The following TNPO1 variants were observed in gnomAD, a reference collection of about 807,000 sequenced individuals.
The protein encoded by TNPO1 is transportin 1, also known as transportin-1.
In TNPO1, 8 loss-of-function variants were observed where a neutral mutation model predicts 119.5. The ratio of observed to expected loss-of-function variants is 0.07; its 90% CI spans 0.04 to 0.12. The LOEUF (loss-of-function observed/expected upper bound fraction) is 0.12, where lower values mean the gene tolerates loss of function less well. Among genes scored for constraint, TNPO1 ranks in the 10% least tolerant of loss-of-function variants. The pLI is 1.00. For synonymous variants in TNPO1, 362 were observed against 363.0 expected, an observed-to-expected ratio of 1.00 and a Z score of 0.03; for missense variants, 576 against 1,089.8, an observed-to-expected ratio of 0.53 and a Z score of 6.64.
At chr5:72,907,715 T>C (rs1298038705) in intron 24 of TNPO1, among the ~76,000 whole-genome samples, 1 of 152,004 alleles carries the variant, frequency 6.6e-6, no homozygotes, top group African/African-American at 2.4e-5. Flanking sequence ...CCAAGTGAAA[T>C]AGGATCAGAA....
At chr5:72,841,580 C>T (rs1289544578) in intron 1 of TNPO1, among the ~76,000 whole-genome samples, 1 of 151,962 alleles carries the variant, frequency 6.6e-6, no homozygotes, top group Non-Finnish European at 1.5e-5. Context: ...ACCTTGTGAT[C>T]CGCCCGCCTC....
Position 72,912,632 on chromosome 5 carries a change from T to G in TNPO1, c.*3959T>G, listed in dbSNP as rs1204727835. On this transcript the variant is annotated 3_prime_UTR_variant, in exon 25 of 25. Transcript: ENST00000337273. ...AAGCCCTCCTGACAAGCCTTTTGCC[T>G]ACAGGTTTACCTGAAAATGAGCTAC... is the stretch of plus-strand genomic sequence containing the variant. 1 of 152,484 alleles carries G rather than the reference T, an allele frequency of 6.6e-6. No individual in the cohort carries two copies. Among genetic ancestry groups the G allele is most frequent in the East Asian group, 1.9e-4 (1 of 5,188 alleles). The allele number at this position is 152,484 out of a possible 1,614,324, so 9.4% of individuals were successfully genotyped here. A position where few individuals can be genotyped will look rare whatever the true frequency, so the allele number is the denominator to read the frequency against.
chr5:72,893,566 GC>G, intron 17 of TNPO1, 31 bp downstream of exon 17: 1 of 1,614,090 alleles, frequency 6.2e-7, no homozygotes, highest in Non-Finnish European at 8.5e-7. Flanking sequence ...ATGAATTGAA[GC>G]CTGTTTCTCT....
intron 4 of TNPO1, among the ~76,000 whole-genome samples, chr5:72,857,269 G>C (rs1184486559): frequency 6.6e-6 from 1 of 151,374 alleles, no homozygotes; most frequent in Non-Finnish European, 1.5e-5. Flanking sequence ...AGTAAGCTGA[G>C]ATCACGCCAT....
chr5:72,905,507 C>A, intron 24 of TNPO1, 62 bp downstream of exon 24: 1 of 733,176 alleles, frequency 1.4e-6, no homozygotes, highest in Non-Finnish European at 2.3e-6. Flanking sequence ...GCTGTCATTT[C>A]AAACTACTAA....
chr5:72,893,509 C>T lies in TNPO1; in HGVS notation c.2029C>T (p.Leu677=), dbSNP rs755789510. The part of the protein sequence containing the change: ...IEQLVARSNI[L]TLMYQCMQDK... ...ACAGCTGGTAGCCCGAAGTAACATCCTGACACTAATGTATCAGTGCATGCA... is the reference window on the plus strand; with the variant it reads ...ACAGCTGGTAGCCCGAAGTAACATCTTGACACTAATGTATCAGTGCATGCA... Residue 677 remains leucine, a synonymous_variant, in exon 17 of 25, where the codon CTG becomes TTG. Transcript: ENST00000337273. 1.3e-5 allele frequency: 21 copies of T among 1,614,192 alleles called. No individual in the cohort carries two copies. The African/African-American group carries it at 2.1e-4, about 16-fold the overall frequency.
chr5:72,866,321 T>C (rs1437723059), intron 6 of TNPO1, among the ~76,000 whole-genome samples: 2 of 152,246 alleles, frequency 1.3e-5, no homozygotes, highest in Non-Finnish European at 2.9e-5. Flanking sequence ...ATTACAACAT[T>C]ATAATAATGT....
At chr5:72,897,633 T>A (rs567460964) in intron 20 of TNPO1, among the ~76,000 whole-genome samples, 1 of 147,470 alleles carries the variant, frequency 6.8e-6, no homozygotes, top group Non-Finnish European at 1.5e-5. Flanking sequence ...TTTTTTAATT[T>A]ATTTTTTTTT....
chr5:72,852,325 G>A (rs1745644469), intron 3 of TNPO1, among the ~76,000 whole-genome samples: 1 of 152,066 alleles, frequency 6.6e-6, no homozygotes, highest in Admixed American at 6.5e-5. Context: ...AAATATTTAT[G>A]GAGCGCCATC....
At position 72,875,595 on chromosome 5, in the gene TNPO1, A is replaced by C; in HGVS notation, c.679-20A>C. The C allele has an allele frequency of 6.2e-7, 1 of 1,607,620 alleles. No homozygotes were observed. The highest frequency in any genetic ancestry group is 8.5e-7 in the Non-Finnish European group (1 of 1,175,082). ...TGTAAGCCTTTCTAAAACTAGAAAA[A>C]ATTATTTCTTGTGCAACAGAATCTC... On this transcript the variant is annotated intron_variant, in intron 7 of 24. Transcript: ENST00000337273.
At chr5:72,829,105 T>C (rs1002255312) in intron 1 of TNPO1, among the ~76,000 whole-genome samples, 19 of 152,192 alleles carry the variant, frequency 1.2e-4, no homozygotes, top group Non-Finnish European at 1.5e-5. Context: ...CAAAAAGAGT[T>C]TGTTTCAGCT....
chr5:72,880,931 A>G (rs918013115), intron 9 of TNPO1, among the ~76,000 whole-genome samples: 1 of 152,010 alleles, frequency 6.6e-6, no homozygotes, highest in African/African-American at 2.4e-5. Context: ...AGACTTGGGC[A>G]GGCACATGCC....
rs1282968603 is a variant in TNPO1, at chr5:72,905,333, G to A, written c.2620G>A (p.Asp874Asn). The change falls in exon 24 of 25, where the codon GAT becomes AAT. Residue 874 changes from aspartate (D) to asparagine (N), a missense_variant. Physicochemically the swap from Asp to Asn is conservative, Grantham distance 23. Coordinates refer to ENST00000337273, the MANE Select transcript of TNPO1 (RefSeq NM_002270.4). ...TCATGGATTTAAAAATCAAGTTGGC[G>A]ATGAAAATTGGAGGCGTTTCTCTGA... ...ILHGFKNQVG[D>N]ENWRRFSDQF... 9 of 1,610,858 alleles carry A rather than the reference G, an allele frequency of 5.6e-6. No individual in the cohort carries two copies. Among genetic ancestry groups the A allele is most frequent in the South Asian group, 2.2e-5 (2 of 90,698 alleles).
At chr5:72,899,258 A>C (rs750810874) in intron 20 of TNPO1, among the ~76,000 whole-genome samples, 20 of 152,138 alleles carry the variant, frequency 1.3e-4, no homozygotes, top group Non-Finnish European at 2.8e-4. Flanking sequence ...CTTTATTAGA[A>C]TTTTATTTCA....
intron 22 of TNPO1, among the ~76,000 whole-genome samples, chr5:72,903,281 A>C (rs1749918888): frequency 6.6e-6 from 1 of 152,164 alleles, no homozygotes; most frequent in Non-Finnish European, 1.5e-5. Flanking sequence ...CTCTATTTCA[A>C]ATCAAGGTCA....
At chr5:72,896,062 CAG>C (rs375786004) in intron 18 of TNPO1, among the ~76,000 whole-genome samples, 50 of 151,904 alleles carry the variant, frequency 3.3e-4, no homozygotes, top group African/African-American at 1.2e-3. Context: ...AGACCACAAT[CAG>C]AGCACAAGAG....
At chr5:72,893,573 T>C in intron 17 of TNPO1, 38 bp downstream of exon 17, 1 of 1,614,190 alleles carries the variant, frequency 6.2e-7, no homozygotes, top group Non-Finnish European at 8.5e-7. Flanking sequence ...GAAGCCTGTT[T>C]CTCTGTGTCA....
At chr5:72,839,302 AT>A (rs1389045473) in intron 1 of TNPO1, among the ~76,000 whole-genome samples, 1 of 152,210 alleles carries the variant, frequency 6.6e-6, no homozygotes, top group East Asian at 1.9e-4. Context: ...TAATATTGCC[AT>A]TTGAAGAAAG....
At chr5:72,865,825 T>A (rs564886109) in intron 6 of TNPO1, 96 bp downstream of exon 6, 4 of 1,279,448 alleles carry the variant, frequency 3.1e-6, no homozygotes, top group Admixed American at 4.6e-5. Context: ...TAGCAAAAGA[T>A]CAAAAGATAT....
Sources: gnomAD v4.1 joint callset for allele counts (sites outside exome capture counted in the v4.1 genomes callset) on GRCh38, gnomAD v4.1.1 for gene constraint, MANE v1.5 for transcripts, NCBI Gene and HGNC (gene_info 2026-07-23, HGNC 2026-07-21) for gene names.